Variants in LCLAT1 observed in about 807,000 individuals in gnomAD.
The protein encoded by LCLAT1 is lysocardiolipin acyltransferase 1.
LCLAT1 carries 11 observed loss-of-function variants against 30.7 expected under a neutral mutation model. That is an observed-to-expected ratio of 0.36 (90% CI 0.23 to 0.59). LCLAT1 has a LOEUF of 0.59. Ranked by LOEUF, LCLAT1 falls within the 20% of genes least tolerant of loss-of-function variation. The probability of loss-of-function intolerance (pLI) is 0.77; values close to 1 mark genes in which losing one functional copy is unlikely to be tolerated. For missense variants in LCLAT1, 402 were observed against 458.6 expected (o/e 0.88, Z 1.13); for synonymous variants, 155 against 151.3 (o/e 1.02, Z -0.18).
chr2:30,521,647 C>T (rs1197491321), intron 1 of LCLAT1, among the ~76,000 whole-genome samples: 1 of 151,646 alleles, frequency 6.6e-6, no homozygotes, highest in Non-Finnish European at 1.5e-5. Flanking sequence ...ACTGGGATTA[C>T]AGGCACGCGC....
intron 1 of LCLAT1, among the ~76,000 whole-genome samples, chr2:30,466,293 A>G (rs1186872855): frequency 1.7e-5 from 2 of 119,944 alleles, no homozygotes; most frequent in Non-Finnish European, 3.6e-5. Flanking sequence ...ACAGGGTCTC[A>G]CTGCCACCTA....
intron 1 of LCLAT1, among the ~76,000 whole-genome samples, chr2:30,481,712 G>T (rs549357162): frequency 6.6e-6 from 1 of 152,314 alleles, no homozygotes; most frequent in East Asian, 1.9e-4. Context: ...GCTGACTGAA[G>T]AGGGAAGTTG....
chr2:30,522,517 G>A (rs917721951), intron 1 of LCLAT1, among the ~76,000 whole-genome samples: 5 of 152,320 alleles, frequency 3.3e-5, no homozygotes, highest in Middle Eastern at 3.4e-3. Context: ...GAGCTCATAA[G>A]GAAGAGATGG....
chr2:30,539,565 T>C (rs1404607), intron 3 of LCLAT1, among the ~76,000 whole-genome samples: 19,347 of 152,142 alleles, frequency 0.13, 1,363 homozygotes, highest in South Asian at 0.23. Context: ...ACATGTGTTA[T>C]AAAACTATAT....
chr2:30,466,265 C>CT (rs375531918), intron 1 of LCLAT1, among the ~76,000 whole-genome samples: 4,962 of 111,070 alleles, frequency 0.045, 274 homozygotes, highest in African/African-American at 0.14. Context: ...TTCCTGCTTT[C>CT]TTTTTTTTTT....
intron 3 of LCLAT1, among the ~76,000 whole-genome samples, chr2:30,547,101 A>G (rs570157361): frequency 2.0e-5 from 3 of 152,246 alleles, no homozygotes; most frequent in African/African-American, 7.2e-5. Flanking sequence ...ACAGTAGGTA[A>G]AGGTGCCTTA....
chr2:30,641,771 G>T lies in LCLAT1; in HGVS notation c.*1152G>T, dbSNP rs1214189533. On this transcript the variant is annotated 3_prime_UTR_variant, in exon 6 of 6. Coordinates refer to ENST00000379509, the MANE Select transcript of LCLAT1 (RefSeq NM_001002257.3). ...TATTTAAACCCACTTTTGACCAATT[G>T]TTTGCCCAAATATTCTTGTCATTTG... 6.6e-6 allele frequency: 1 copy of T among 152,004 alleles called. No homozygotes were observed. Among genetic ancestry groups the T allele is most frequent in the African/African-American group, 2.4e-5 (1 of 41,376 alleles). 9.4% of individuals were successfully genotyped at this position (152,004 alleles called of 1,614,324 possible). A position where few individuals can be genotyped will look rare whatever the true frequency, so the allele number is the denominator to read the frequency against.
At chr2:30,456,451 A>G (rs979175052) in intron 1 of LCLAT1, among the ~76,000 whole-genome samples, 3 of 151,808 alleles carry the variant, frequency 2.0e-5, no homozygotes, top group South Asian at 2.1e-4. Context: ...GACTTCTCCA[A>G]TATCACCCCT....
At chr2:30,618,002 C>T (rs183691112) in intron 5 of LCLAT1, among the ~76,000 whole-genome samples, 2 of 152,154 alleles carry the variant, frequency 1.3e-5, no homozygotes, top group Admixed American at 6.6e-5. Context: ...TGACAAAGTA[C>T]AGTTTTTCAG....
chr2:30,548,694 G>C (rs899170712), intron 3 of LCLAT1, among the ~76,000 whole-genome samples: 1 of 152,134 alleles, frequency 6.6e-6, no homozygotes, highest in Admixed American at 6.5e-5. Flanking sequence ...GGAAAATAAA[G>C]GGATAAGGGG....
chr2:30,628,406 A>G (rs372932324), intron 5 of LCLAT1, among the ~76,000 whole-genome samples: 4 of 152,334 alleles, frequency 2.6e-5, no homozygotes, highest in African/African-American at 7.2e-5. Flanking sequence ...GGAGGGATAT[A>G]AGGTATTTGT....
At chr2:30,568,742 C>T (rs547643449) in intron 5 of LCLAT1, among the ~76,000 whole-genome samples, 39 of 150,498 alleles carry the variant, frequency 2.6e-4, no homozygotes, top group South Asian at 6.3e-4. Context: ...TTCCTGACCT[C>T]GTGATCCAGC....
intron 5 of LCLAT1, among the ~76,000 whole-genome samples, chr2:30,626,160 G>A (rs1294064375): frequency 6.6e-6 from 1 of 152,144 alleles, no homozygotes; most frequent in Non-Finnish European, 1.5e-5. Flanking sequence ...ATAATAATAT[G>A]CTGTCTCTGG....
At chr2:30,461,908 C>CT (rs879436998) in intron 1 of LCLAT1, among the ~76,000 whole-genome samples, 20 of 150,966 alleles carry the variant, frequency 1.3e-4, no homozygotes, top group Admixed American at 1.3e-3. Context: ...GTAGCTGGGA[C>CT]TACAGGCGCC....
At chr2:30,610,590 C>G (rs1450331848) in intron 5 of LCLAT1, among the ~76,000 whole-genome samples, 1 of 152,036 alleles carries the variant, frequency 6.6e-6, no homozygotes, top group Non-Finnish European at 1.5e-5. Context: ...GTTATATAAG[C>G]CTAGGTCTGA....
intron 2 of LCLAT1, among the ~76,000 whole-genome samples, chr2:30,528,794 C>T (rs1027401011): frequency 6.6e-6 from 1 of 152,196 alleles, no homozygotes; most frequent in African/African-American, 2.4e-5. Flanking sequence ...AAACTGCTGT[C>T]ACTCAGCTGT....
At chr2:30,503,752 T>C (rs1684511159) in intron 1 of LCLAT1, among the ~76,000 whole-genome samples, 1 of 152,208 alleles carries the variant, frequency 6.6e-6, no homozygotes, top group Admixed American at 6.5e-5. Flanking sequence ...TCTGAAACCA[T>C]GGAAAAACTT....
Position 30,563,034 on chromosome 2 carries a change from G to A in LCLAT1, c.511+742G>A, listed in dbSNP as rs116454887. On this transcript the variant is annotated intron_variant, in intron 4 of 5. Transcript: ENST00000379509. ...CAGGAAGACATGTTTATAACTTTTC[G>A]GCCTTCCTAAATATTAAACTTTTTT... 4.4e-3 allele frequency among the ~76,000 whole-genome samples: 673 copies of A among 151,930 alleles called. 8 individuals carry two copies. The highest frequency in any genetic ancestry group is 0.015 in the African/African-American group (635 of 41,444).
intron 1 of LCLAT1, among the ~76,000 whole-genome samples, chr2:30,523,717 A>T (rs1415763074): frequency 6.6e-6 from 1 of 152,148 alleles, no homozygotes; most frequent in Non-Finnish European, 1.5e-5. Flanking sequence ...AAAATACAAA[A>T]ATCAGATGAG....
Sources: allele counts gnomAD v4.1 joint callset (sites outside exome capture counted in the v4.1 genomes callset), GRCh38; gene constraint gnomAD v4.1.1; transcripts MANE v1.5; gene names NCBI Gene and HGNC (gene_info 2026-07-23, HGNC 2026-07-21).